The following ITGB7 variants were observed in gnomAD, a reference collection of about 807,000 sequenced individuals.
The protein encoded by ITGB7 is integrin beta-7.
ITGB7 carries 55 observed loss-of-function variants against 83.4 expected under a neutral mutation model. The ratio of observed to expected loss-of-function variants is 0.66; its 90% confidence interval spans 0.53 to 0.83. ITGB7 has a LOEUF of 0.83. ITGB7 is among the 40% of genes least tolerant of loss of function. The pLI is 0.00. For synonymous variants in ITGB7, 454 were observed against 423.6 expected (o/e 1.07, Z -0.88); for missense variants, 921 against 1,046.7 (o/e 0.88, Z 1.66).
At chr12:53,192,601 C>T in intron 13 of ITGB7, 63 bp from the exon 14 acceptor site, 2 of 1,600,146 alleles carry the variant, frequency 1.2e-6, no homozygotes, top group South Asian at 1.1e-5. Context: ...CCTTGCCCAA[C>T]TACAAGCAGG....
chr12:53,197,722 T>C (rs750116075), intron 4 of ITGB7, 28 bp downstream of exon 4: 2 of 1,590,638 alleles, frequency 1.3e-6, no homozygotes, highest in African/African-American at 2.7e-5. Context: ...CCTAGACCTC[T>C]GGCCTGGCCC....
chr12:53,197,532 G>C lies in ITGB7; in HGVS notation c.535C>G (p.Leu179Val). ...ERVRQLGHALLVRLQEVTHSV... is the reference protein window; with the variant it reads ...ERVRQLGHALVVRLQEVTHSV... ...TGGGTGACTTCCTGCAGCCGGACCA[G>C]CAGAGCGTGCCCGAGCTGGCGCACG... is the stretch of plus-strand genomic sequence containing the variant. The change falls in exon 5 of 16, where the codon CTG (leucine) becomes GTG (valine). Residue 179 changes from leucine (L) to valine (V), a missense_variant. Leu to Val is a conservative substitution (Grantham distance 32). Coordinates refer to ENST00000267082, the MANE Select transcript of ITGB7 (RefSeq NM_000889.3). The C allele has an allele frequency of 6.2e-7, 1 of 1,614,198 alleles. No homozygotes were observed. The highest frequency in any genetic ancestry group is 2.2e-5 in the East Asian group (1 of 44,882).
At position 53,191,523 on chromosome 12, in the gene ITGB7, GA is replaced by G. The variant is rs554232281; in HGVS notation, c.*32del. The G allele has an allele frequency of 1.2e-4, 180 of 1,534,882 alleles. 2 individuals are homozygous for G. In the South Asian group the frequency reaches 1.9e-3, roughly 16 times the overall value. ...CCTCCAGTTCCCACTGTCCTCCAAG[GA>G]GAAGAGCCTTGGGTAAGTGTCCCTC... On this transcript the variant is annotated 3_prime_UTR_variant, in exon 16 of 16. Coordinates refer to ENST00000267082, the MANE Select transcript of ITGB7 (RefSeq NM_000889.3).
rs1942032899 is a variant in ITGB7, at chr12:53,193,250, C to T, written c.1616G>A (p.Gly539Glu). 1 of 1,614,178 alleles carries T rather than the reference C, an allele frequency of 6.2e-7. No individual in the cohort carries two copies. Among genetic ancestry groups the T allele is most frequent in the Non-Finnish European group, 8.5e-7 (1 of 1,180,022 alleles). Reference protein sequence around the residue: ...APNGTGPLCSGKGHCQCGRCS... With the variant: ...APNGTGPLCSEKGHCQCGRCS... Reference sequence around the variant, plus strand: ...GCGTCCACATTGACAGTGACCCTTTCCACTGCACAGGGGCCCTGTGCCATT... The same window carrying T: ...GCGTCCACATTGACAGTGACCCTTTTCACTGCACAGGGGCCCTGTGCCATT... The change falls in exon 12 of 16, where the codon GGA (glycine) becomes GAA (glutamate). Residue 539 changes from glycine to glutamate, a missense_variant. Transcript: ENST00000267082.
In ITGB7 at chr12:53,197,778, C is replaced by T; in HGVS notation, c.375G>A (p.Pro125=). 10 of 1,562,286 alleles carry T rather than the reference C, an allele frequency of 6.4e-6. No individual in the cohort carries two copies. The highest frequency in any genetic ancestry group is 1.9e-5 in the Admixed American group (1 of 53,558). ...ARGEGATQLA[P]QRVRVTLRPG... Reference sequence around the variant, plus strand: ...GCCGCAGCGTGACCCGGACCCGCTGCGGCGCCAGCTGGGTGGCACCCTCTC... The same window carrying T: ...GCCGCAGCGTGACCCGGACCCGCTGTGGCGCCAGCTGGGTGGCACCCTCTC... Residue 125 remains proline (P), a synonymous_variant, in exon 4 of 16, where the codon CCG becomes CCA. Transcript: ENST00000267082.
Position 53,192,857 on chromosome 12 carries a change from T to TGC in ITGB7, c.1778_1779dup (p.Arg594AlafsTer83). The TGC allele has an allele frequency of 6.2e-7, 1 of 1,614,228 alleles. No individual in the cohort carries two copies. The highest frequency in any genetic ancestry group is 1.3e-5 in the African/African-American group (1 of 75,066). ...ATGTCCCCACTGCATTCGCATGCTC[T>TGC]GCCCGTGCGGTTGGCATGACAGTGA... is the stretch of plus-strand genomic sequence containing the variant. On this transcript the variant is annotated frameshift_variant, in exon 13 of 16. Coordinates refer to ENST00000267082, the MANE Select transcript of ITGB7 (RefSeq NM_000889.3). LOFTEE classifies it high-confidence loss of function.
intron 10 of ITGB7, 89 bp downstream of exon 10, chr12:53,194,109 T>C (rs1180678280): frequency 1.9e-6 from 3 of 1,567,872 alleles, no homozygotes; most frequent in Non-Finnish European, 2.6e-6. Context: ...TGTCACTCCC[T>C]GTACCTGCCA....
At chr12:53,198,224 G>T (rs753200429) in intron 3 of ITGB7, among the ~76,000 whole-genome samples, 1 of 152,132 alleles carries the variant, frequency 6.6e-6, no homozygotes, top group African/African-American at 2.4e-5. Context: ...CCACCTCCCG[G>T]GTTCAAGTGA....
Position 53,196,218 on chromosome 12 carries a change from G to A in ITGB7, c.817-19C>T, listed in dbSNP as rs1008520910. 1.9e-6 allele frequency: 3 copies of A among 1,612,676 alleles called. No homozygotes were observed. The highest frequency in any genetic ancestry group is 2.5e-6 in the Non-Finnish European group (3 of 1,179,028). ...TCTGCTCCTGAGTTACAGTGGGGGT[G>A]GTAGGCTATGCACCTGGGCATGGCC... On this transcript the variant is annotated intron_variant, in intron 6 of 15. Transcript: ENST00000267082.
rs758273146 is a variant in ITGB7, at chr12:53,197,736, C to T, written c.403+14G>A. ...GCCTAGACCTCTGGCCTGGCCCCGC[C>T]TCCCCTAACTCACCAGGCCGCAGCG... On this transcript the variant is annotated intron_variant, in intron 4 of 15. Coordinates refer to ENST00000267082, the MANE Select transcript of ITGB7 (RefSeq NM_000889.3). 1.5e-5 allele frequency: 23 copies of T among 1,584,756 alleles called. No individual in the cohort carries two copies. In the Admixed American group the frequency reaches 1.6e-4, roughly 11 times the overall value.
intron 7 of ITGB7, 92 bp from the exon 8 acceptor site, chr12:53,195,813 TC>T: frequency 8.4e-7 from 1 of 1,195,078 alleles, no homozygotes; most frequent in Non-Finnish European, 1.2e-6. Context: ...GAACCAAGGT[TC>T]CACCAGCTGG....
chr12:53,199,165 C>T (rs1314718064), intron 3 of ITGB7, among the ~76,000 whole-genome samples: 1 of 152,196 alleles, frequency 6.6e-6, no homozygotes, highest in African/African-American at 2.4e-5. Context: ...TGGGCTCCCA[C>T]ACTGATCTAA....
chr12:53,206,800 C>CT (rs1942453186), intron 1 of ITGB7: 1 of 152,350 alleles, frequency 6.6e-6, no homozygotes, highest in Admixed American at 6.5e-5. Flanking sequence ...AGGAAGAAGT[C>CT]TGAGCTGAAG....
intron 6 of ITGB7, 70 bp from the exon 7 acceptor site, chr12:53,196,269 G>A (rs1942157367): frequency 6.4e-7 from 1 of 1,559,030 alleles, no homozygotes; most frequent in Non-Finnish European, 8.8e-7. Flanking sequence ...CCAGCTCTGT[G>A]AGCCAAGAAT....
At chr12:53,199,189 A>G (rs548188619) in intron 3 of ITGB7, among the ~76,000 whole-genome samples, 1 of 151,820 alleles carries the variant, frequency 6.6e-6, no homozygotes, top group Non-Finnish European at 1.5e-5. Context: ...TCCATCTTAC[A>G]CTGAGAGAGG....
At chr12:53,202,005 G>T (rs534626471) in intron 1 of ITGB7, among the ~76,000 whole-genome samples, 17 of 152,326 alleles carry the variant, frequency 1.1e-4, no homozygotes, top group African/African-American at 3.9e-4. Context: ...CTATGCTTCT[G>T]TGGCCAATTG....
intron 2 of ITGB7, among the ~76,000 whole-genome samples, chr12:53,200,781 TAGTC>T (rs1275282022): frequency 6.6e-6 from 1 of 151,696 alleles, no homozygotes; most frequent in Non-Finnish European, 1.5e-5. Context: ...ATACAAAAAT[TAGTC>T]AGGCATGGTG....
intron 1 of ITGB7, among the ~76,000 whole-genome samples, chr12:53,205,863 G>A (rs989150274): frequency 3.3e-5 from 5 of 152,124 alleles, no homozygotes; most frequent in African/African-American, 4.8e-5. Flanking sequence ...GACCTCAGGC[G>A]CCATATATAA....
chr12:53,196,992 G>T, intron 5 of ITGB7, 172 bp from the exon 6 acceptor site: 1 of 683,694 alleles, frequency 1.5e-6, no homozygotes, highest in South Asian at 2.0e-5. Context: ...CTGGCTCAGG[G>T]AAGTGGCAGG....
Sources: allele counts gnomAD v4.1 joint callset (sites outside exome capture counted in the v4.1 genomes callset), GRCh38; gene constraint gnomAD v4.1.1; transcripts MANE v1.5; gene names NCBI Gene and HGNC (gene_info 2026-07-23, HGNC 2026-07-21).